Variants in ADARB1 observed in about 807,000 individuals in gnomAD.
ADARB1 encodes the protein adenosine deaminase RNA specific B1, also known as double-stranded RNA-specific editase 1.
In ADARB1, 10 loss-of-function variants were observed where a neutral mutation model predicts 52.4. The observed-to-expected ratio is 0.19, with a 90% confidence interval of 0.12 to 0.32. The LOEUF (loss-of-function observed/expected upper bound fraction) is 0.32. ADARB1 is among the 10% of genes least tolerant of loss of function. ADARB1 has a pLI of 1.00. For missense variants in ADARB1, 643 were observed against 922.3 expected (o/e 0.70, Z 3.92); for synonymous variants, 349 against 371.1 (o/e 0.94, Z 0.68).
intron 2 of ADARB1, among the ~76,000 whole-genome samples, chr21:45,146,661 CAG>C (rs2090024057): frequency 6.6e-6 from 1 of 152,226 alleles, no homozygotes; most frequent in African/African-American, 2.4e-5. Context: ...AGGGAGAAGG[CAG>C]AGAGTTGGAC....
chr21:45,173,250 C>G (rs925941841), intron 3 of ADARB1, among the ~76,000 whole-genome samples: 1 of 152,166 alleles, frequency 6.6e-6, no homozygotes, highest in Non-Finnish European at 1.5e-5. Flanking sequence ...GTATTTGTAT[C>G]ATTTTGAAAG....
chr21:45,205,215 T>A (rs1338391558), intron 9 of ADARB1, among the ~76,000 whole-genome samples: 5 of 151,968 alleles, frequency 3.3e-5, no homozygotes, highest in Admixed American at 2.0e-4. Context: ...AAGCCAAGAT[T>A]GTACCACTGC....
At chr21:45,111,652 G>A (rs577034319) in intron 1 of ADARB1, among the ~76,000 whole-genome samples, 2 of 152,280 alleles carry the variant, frequency 1.3e-5, no homozygotes, top group South Asian at 4.2e-4. Flanking sequence ...GTGTTTTTGT[G>A]TGTTTTCTTT....
intron 2 of ADARB1, among the ~76,000 whole-genome samples, chr21:45,162,352 G>A (rs1017591859): frequency 2.6e-5 from 4 of 152,120 alleles, no homozygotes; most frequent in Admixed American, 6.5e-5. Context: ...CGCCTGCCTG[G>A]CTGTACACAA....
intron 1 of ADARB1, among the ~76,000 whole-genome samples, chr21:45,096,608 G>A (rs1336717058): frequency 1.3e-5 from 2 of 152,166 alleles, no homozygotes; most frequent in Admixed American, 6.5e-5. Context: ...TTGTCCCCAT[G>A]TACTTCCTCG....
At chr21:45,167,042 T>C (rs1332695188) in intron 2 of ADARB1, among the ~76,000 whole-genome samples, 1 of 152,248 alleles carries the variant, frequency 6.6e-6, no homozygotes, top group East Asian at 1.9e-4. Flanking sequence ...TGTGCTGTTT[T>C]GCTTTGTTTT....
In ADARB1 at chr21:45,128,093, T is replaced by G. The variant is rs2088705380; in HGVS notation, c.-219-309T>G. 6.6e-6 allele frequency among the ~76,000 whole-genome samples: 1 copy of G among 152,198 alleles called. No homozygotes were observed. The highest frequency in any genetic ancestry group is 1.5e-5 in the Non-Finnish European group (1 of 68,040). On this transcript the variant is annotated intron_variant, in intron 1 of 10. Transcript: ENST00000348831. This position sits in a 1 kb window ranked among gnomAD's most constrained non-coding sequence, Gnocchi z 4.6. The stretch of plus-strand genomic sequence containing the variant: ...TAAAAAAGATGAGTACGTGTGAGAT[T>G]CTGCCTGAGACTCCAGTCCTCAGTG...
In ADARB1 at chr21:45,225,962, C is replaced by T. The variant is rs1263835467; in HGVS notation, c.*3765C>T. 2 of 175,242 alleles carry T rather than the reference C, an allele frequency of 1.1e-5. No individual in the cohort carries two copies. Among genetic ancestry groups the T allele is most frequent in the Admixed American group, 1.3e-4 (2 of 15,886 alleles). 10.9% of individuals were successfully genotyped at this position (175,242 alleles called of 1,614,324 possible). A position where few individuals can be genotyped will look rare whatever the true frequency, so the allele number is the denominator to read the frequency against. On this transcript the variant is annotated 3_prime_UTR_variant, in exon 11 of 11. Transcript: ENST00000348831. Reference sequence around the variant, plus strand: ...TTGCTCGGGGCCTTCCGTGTGAGTTCTAGTGTTCACTTGATGCCGGGGAAT... The same window carrying T: ...TTGCTCGGGGCCTTCCGTGTGAGTTTTAGTGTTCACTTGATGCCGGGGAAT...
intron 3 of ADARB1, chr21:45,171,892 C>T (rs1005991547): frequency 1.6e-5 from 9 of 558,154 alleles, no homozygotes; most frequent in Non-Finnish European, 2.2e-5. Context: ...TCCTCGTTAT[C>T]GTCGTGGGGC....
chr21:45,225,848 G>T lies in ADARB1; in HGVS notation c.*3651G>T. The T allele has an allele frequency of 2.9e-6, 1 of 343,880 alleles. No individual in the cohort carries two copies. Among genetic ancestry groups the T allele is most frequent in the Non-Finnish European group, 5.2e-6 (1 of 191,576 alleles). 21.3% of individuals were successfully genotyped at this position (343,880 alleles called of 1,614,324 possible). A position where few individuals can be genotyped will look rare whatever the true frequency, so the allele number is the denominator to read the frequency against. On this transcript the variant is annotated 3_prime_UTR_variant, in exon 11 of 11. Transcript: ENST00000348831. ...GGAAAGGGCATTGTGTTCCGTGTGT[G>T]TCCAGTTTACAGCGTCTCTGCCCCC...
At chr21:45,076,079 A>G (rs1249857589) in intron 1 of ADARB1, among the ~76,000 whole-genome samples, 2 of 152,166 alleles carry the variant, frequency 1.3e-5, no homozygotes, top group Non-Finnish European at 2.9e-5. Context: ...TCTTAAGAGC[A>G]GTTGTTTCTA....
chr21:45,149,551 A>T (rs1164959362), intron 2 of ADARB1, among the ~76,000 whole-genome samples: 2 of 152,158 alleles, frequency 1.3e-5, no homozygotes, highest in Non-Finnish European at 2.9e-5. Flanking sequence ...ATATGTGGGG[A>T]CCTATGGTTT....
chr21:45,103,548 C>G (rs988726038), intron 1 of ADARB1, among the ~76,000 whole-genome samples: 2 of 151,880 alleles, frequency 1.3e-5, no homozygotes, highest in African/African-American at 4.8e-5. Flanking sequence ...AGACCCCTCA[C>G]ATGCGCAGTT....
chr21:45,171,792 C>A, intron 3 of ADARB1, 108 bp downstream of exon 3: 1 of 1,022,148 alleles, frequency 9.8e-7, no homozygotes, highest in Non-Finnish European at 1.4e-6. Context: ...GTGTTTTTTC[C>A]CGTAACATCT....
intron 2 of ADARB1, among the ~76,000 whole-genome samples, chr21:45,162,005 T>C (rs2090997200): frequency 6.6e-6 from 1 of 152,106 alleles, no homozygotes; most frequent in Admixed American, 6.5e-5. Flanking sequence ...TTCCTGGACA[T>C]GGGAGAAGAA....
chr21:45,105,780 G>C (rs1250809951), intron 1 of ADARB1, among the ~76,000 whole-genome samples: 5 of 152,246 alleles, frequency 3.3e-5, no homozygotes, highest in Non-Finnish European at 7.3e-5. Flanking sequence ...GTTGCAAGAA[G>C]ATAGGGGACT....
intron 1 of ADARB1, among the ~76,000 whole-genome samples, chr21:45,096,930 G>A (rs2086788582): frequency 6.6e-6 from 1 of 152,096 alleles, no homozygotes; most frequent in African/African-American, 2.4e-5. Flanking sequence ...TAGTAGAGAC[G>A]GGGTTTCACC....
chr21:45,170,340 T>G (rs1016108406), intron 2 of ADARB1, among the ~76,000 whole-genome samples: 1 of 152,254 alleles, frequency 6.6e-6, no homozygotes, highest in Non-Finnish European at 1.5e-5. Flanking sequence ...TTTAAGTTTC[T>G]CAGAATCTGA....
chr21:45,122,798 C>T (rs2145803833), intron 1 of ADARB1, among the ~76,000 whole-genome samples: 1 of 152,334 alleles, frequency 6.6e-6, no homozygotes, highest in East Asian at 1.9e-4. Flanking sequence ...CTCTTAGCAC[C>T]TCCAACCACG....
Sources: gnomAD v4.1 joint callset for allele counts (sites outside exome capture counted in the v4.1 genomes callset) on GRCh38, gnomAD v4.1.1 for gene constraint, Gnocchi (gnomAD v3.1) non-coding constraint, MANE v1.5 for transcripts, NCBI Gene and HGNC (gene_info 2026-07-23, HGNC 2026-07-21) for gene names.